CELF2: variants seen among roughly 807,000 people sequenced by gnomAD.
CELF2 encodes CUG triplet repeat RNA-binding protein 2.
A neutral mutation model predicts 62.6 loss-of-function variants in CELF2; 8 were observed. The ratio of observed to expected loss-of-function variants is 0.13; its 90% CI spans 0.07 to 0.23. The LOEUF is 0.23. Ranked by LOEUF, CELF2 falls within the 10% of genes least tolerant of loss-of-function variation. CELF2 has a pLI of 1.00. For synonymous variants in CELF2, 258 were observed against 250.0 expected (o/e 1.03, Z -0.30); for missense variants, 333 against 671.0 (o/e 0.50, Z 5.56).
chr10:10,777,215 C>T, the CELF2 span, among the ~76,000 whole-genome samples: 28 of 152,320 alleles, frequency 1.8e-4, no homozygotes, highest in African/African-American at 6.3e-4. Flanking sequence ...ATACACCTCG[C>T]TCGATTGATC....
In CELF2 at chr10:11,242,318, A is replaced by G. The variant is rs947297338; in HGVS notation, c.355-6835A>G. On this transcript the variant is annotated intron_variant, in intron 3 of 12. Transcript: ENST00000633077. This position sits in a 1 kb window ranked among gnomAD's most constrained non-coding sequence, Gnocchi z 4.8. ...CTGGGGTTCAACAAGTTCCAACATG[A>G]GTTCTCCTGTGTGTGAGGAGCCAGC... is the stretch of plus-strand genomic sequence containing the variant. 3.9e-5 allele frequency among the ~76,000 whole-genome samples: 6 copies of G among 152,184 alleles called. No individual in the cohort carries two copies. The highest frequency in any genetic ancestry group is 1.4e-4 in the African/African-American group (6 of 41,444).
At chr10:11,154,492 A>T (rs528490659) in intron 1 of CELF2, among the ~76,000 whole-genome samples, 1 of 152,368 alleles carries the variant, frequency 6.6e-6, no homozygotes, top group African/African-American at 2.4e-5. Context: ...AACATGCAGG[A>T]TGAGGTGGCC....
intron 9 of CELF2, among the ~76,000 whole-genome samples, chr10:11,313,206 AG>A (rs1191577377): frequency 6.6e-6 from 1 of 152,226 alleles, no homozygotes; most frequent in Non-Finnish European, 1.5e-5. Flanking sequence ...TGCCCCAAAA[AG>A]GTTTATTTCA....
chr10:10,499,933 C>T, the CELF2 span, among the ~76,000 whole-genome samples: 7 of 132,992 alleles, frequency 5.3e-5, no homozygotes, highest in Non-Finnish European at 1.1e-4. Flanking sequence ...ACCAGAAAAC[C>T]ATGACCTAGG....
intron 1 of CELF2, among the ~76,000 whole-genome samples, chr10:11,066,848 G>T (rs980195542): frequency 6.6e-6 from 1 of 152,090 alleles, no homozygotes; most frequent in African/African-American, 2.4e-5. Flanking sequence ...TGTGTATATT[G>T]AAGCAAGAAC....
At chr10:11,100,628 A>G (rs749301085) in intron 1 of CELF2, among the ~76,000 whole-genome samples, 4 of 152,140 alleles carry the variant, frequency 2.6e-5, no homozygotes, top group Non-Finnish European at 4.4e-5. Flanking sequence ...GACACGCTTC[A>G]TACCAATCCC....
At chr10:10,655,836 C>A in the CELF2 span, among the ~76,000 whole-genome samples, 85 of 137,936 alleles carry the variant, frequency 6.2e-4, 1 homozygote, top group African/African-American at 2.3e-3. Context: ...TCCAAAACAC[C>A]AAAAGCAATG....
chr10:10,921,906 A>G (rs945754541), intron 2 of CELF2, among the ~76,000 whole-genome samples: 2 of 152,198 alleles, frequency 1.3e-5, no homozygotes, highest in African/African-American at 4.8e-5. Flanking sequence ...ATGTATTCAT[A>G]TGTCCTAGGA....
At chr10:10,973,595 C>A (rs2051003738) in intron 2 of CELF2, among the ~76,000 whole-genome samples, 1 of 152,278 alleles carries the variant, frequency 6.6e-6, no homozygotes, top group Middle Eastern at 3.4e-3. Flanking sequence ...CCCAGAAAGT[C>A]TCACTCAAAT....
chr10:10,718,110 G>A, the CELF2 span, among the ~76,000 whole-genome samples: 5 of 152,100 alleles, frequency 3.3e-5, no homozygotes, highest in Admixed American at 2.0e-4. Context: ...TTAAAAGGAT[G>A]AAGCTACCTA....
rs1284446357 is a variant in CELF2 at position 11,334,514 on chromosome 10, G to A, written c.*5461G>A. ...AGTGAATATCTGATTTGGGGAAGAG[G>A]AAACTGCACAGCAGCCACCTTTGAT... On this transcript the variant is annotated 3_prime_UTR_variant, in exon 13 of 13. Transcript: ENST00000633077. 6.6e-6 allele frequency: 1 copy of A among 152,608 alleles called. No homozygotes were observed. Among genetic ancestry groups the A allele is most frequent in the African/African-American group, 2.4e-5 (1 of 41,448 alleles). 9.5% of individuals were successfully genotyped at this position (152,608 alleles called of 1,614,324 possible). A position where few individuals can be genotyped will look rare whatever the true frequency, so the allele number is the denominator to read the frequency against.
At chr10:10,545,119 C>T in the CELF2 span, among the ~76,000 whole-genome samples, 1,017 of 152,236 alleles carry the variant, frequency 6.7e-3, 9 homozygotes, top group African/African-American at 0.023. Context: ...GGAACACTGA[C>T]GAGGAAGACA....
intron 2 of CELF2, among the ~76,000 whole-genome samples, chr10:10,953,773 G>T (rs1752077089): frequency 6.6e-6 from 1 of 151,276 alleles, no homozygotes; most frequent in South Asian, 2.1e-4. Context: ...GAGAAATTCT[G>T]CTTGGCAAAC....
At chr10:10,510,399 T>A in the CELF2 span, among the ~76,000 whole-genome samples, 1 of 152,260 alleles carries the variant, frequency 6.6e-6, no homozygotes, top group African/African-American at 2.4e-5. Context: ...TGGTCCTGCC[T>A]AGTAAGCCAA....
chr10:10,898,758 A>C (rs1409222383), intron 1 of CELF2, among the ~76,000 whole-genome samples: 1 of 152,230 alleles, frequency 6.6e-6, no homozygotes, highest in African/African-American at 2.4e-5. Flanking sequence ...CCCTTGAAAC[A>C]ACCTGACCTA....
chr10:11,164,341 G>A (rs1264447331), intron 1 of CELF2, among the ~76,000 whole-genome samples: 1 of 152,188 alleles, frequency 6.6e-6, no homozygotes, highest in Non-Finnish European at 1.5e-5. Flanking sequence ...AAGTGAAAAA[G>A]ACATGTCTTC....
intron 2 of CELF2, among the ~76,000 whole-genome samples, chr10:11,204,832 A>G (rs970623609): frequency 1.3e-5 from 2 of 152,228 alleles, no homozygotes; most frequent in African/African-American, 4.8e-5. Context: ...CTTCTTGTGA[A>G]GCCCAGTGTT....
At chr10:11,041,157 C>T (rs889909931) in intron 1 of CELF2, among the ~76,000 whole-genome samples, 11 of 152,128 alleles carry the variant, frequency 7.2e-5, no homozygotes, top group Non-Finnish European at 1.5e-4. Flanking sequence ...CTTTTTTCTT[C>T]TTAAAAGAGC....
rs1478877622 is a variant in CELF2 at position 11,159,029 on chromosome 10, T to G, written c.75-6457T>G. On this transcript the variant is annotated intron_variant, in intron 1 of 12. Coordinates refer to ENST00000633077, the MANE Select transcript of CELF2 (RefSeq NM_001326342.2). This position sits in a 1 kb window ranked among gnomAD's most constrained non-coding sequence, Gnocchi z 5.0. ...GCTATTTAATGACAATTTGACCATT[T>G]AGAGAAGGGCTTTGACTTTGTAATG... 6.6e-6 allele frequency among the ~76,000 whole-genome samples: 1 copy of G among 152,250 alleles called. No homozygotes were observed. Among genetic ancestry groups the G allele is most frequent in the African/African-American group, 2.4e-5 (1 of 41,474 alleles).
Sources: gnomAD v4.1 joint callset for allele counts (sites outside exome capture counted in the v4.1 genomes callset) on GRCh38, gnomAD v4.1.1 for gene constraint, Gnocchi (gnomAD v3.1) non-coding constraint, MANE v1.5 for transcripts, NCBI Gene and HGNC (gene_info 2026-07-23, HGNC 2026-07-21) for gene names.